The following DGKZ variants were observed in gnomAD, a reference collection of about 807,000 sequenced individuals.
The protein encoded by DGKZ is diacylglycerol kinase zeta.
Under a neutral mutation model 142.5 loss-of-function variants are expected in DGKZ, and 45 were observed. The ratio of observed to expected loss-of-function variants is 0.32; its 90% CI spans 0.25 to 0.40. The LOEUF (loss-of-function observed/expected upper bound fraction) is 0.40. Among genes scored for constraint, DGKZ ranks in the 10% least tolerant of loss-of-function variants. The probability of loss-of-function intolerance (pLI) is 1.00; values close to 1 mark genes in which losing one functional copy is unlikely to be tolerated. For missense variants in DGKZ, 755 were observed against 1,306.5 expected (o/e 0.58, Z 6.51); for synonymous variants, 442 against 527.0 (o/e 0.84, Z 2.21).
In DGKZ at chr11:46,375,516, C is replaced by T. The variant is rs1185768072; in HGVS notation, c.1795C>T (p.Gln599Ter). The T allele has an allele frequency of 1.9e-6, 3 of 1,590,760 alleles. No homozygotes were observed. Among genetic ancestry groups the T allele is most frequent in the Non-Finnish European group, 1.7e-6 (2 of 1,174,302 alleles). The change falls in exon 20 of 31, where the codon CAG (glutamine) becomes TAG (stop). Residue 599 changes from glutamine (Q) to a stop codon, truncating the protein, a stop_gained. Transcript: ENST00000527911. LOFTEE classifies it high-confidence loss of function. Reference sequence around the variant, plus strand: ...CACCACATCCAAGGCCATCCCGGTGCAGGTGGATGGCGAGCCCTGCAAGCT... The same window carrying T: ...CACCACATCCAAGGCCATCCCGGTGTAGGTGGATGGCGAGCCCTGCAAGCT...
At chr11:46,379,851 G>C in exon 31 of DGKZ, 2 of 1,610,640 alleles carry the variant, frequency 1.2e-6, no homozygotes, top group Admixed American at 1.7e-5. Flanking sequence ...CCCGGCAGCG[G>C]GCTGAGAAGG....
chr11:46,370,393 C>T (rs1943810558), intron 6 of DGKZ, among the ~76,000 whole-genome samples: 1 of 152,222 alleles, frequency 6.6e-6, no homozygotes, highest in African/African-American at 2.4e-5. Context: ...TCCAGGCGAC[C>T]GCCTAACCCA....
At chr11:46,334,868 C>T (rs112730265) in intron 1 of DGKZ, among the ~76,000 whole-genome samples, 4,777 of 152,218 alleles carry the variant, frequency 0.031, 266 homozygotes, top group African/African-American at 0.11. Flanking sequence ...TAAATGTCAG[C>T]CTGGGAGTCA....
At chr11:46,368,341 T>A in intron 4 of DGKZ, 1 of 517,424 alleles carries the variant, frequency 1.9e-6, no homozygotes, top group Non-Finnish European at 3.6e-6. Context: ...AATTGACGAA[T>A]GGTGGCCCTT....
rs1324135799 is a variant in DGKZ at position 46,367,227 on chromosome 11, G to A, written c.162-64G>A. On this transcript the variant is annotated intron_variant, in intron 1 of 30. Coordinates refer to ENST00000527911, the Ensembl canonical transcript of DGKZ. The surrounding 1 kb of genome is among the most constrained non-coding windows in gnomAD (Gnocchi z 4.1). ...GTCACGGAAAGGGCAGAGGCCCCAG[G>A]AGGTGGGAGGAAGTAGGGTCAGCAA... 1 of 1,448,472 alleles carries A rather than the reference G, an allele frequency of 6.9e-7. No homozygotes were observed. Among genetic ancestry groups the A allele is most frequent in the African/African-American group, 1.4e-5 (1 of 71,156 alleles). The allele number at this position is 1,448,472 out of a possible 1,614,324, so 89.7% of individuals were successfully genotyped here.
intron 1 of DGKZ, among the ~76,000 whole-genome samples, chr11:46,352,515 C>T (rs1941528349): frequency 6.6e-6 from 1 of 152,222 alleles, no homozygotes; most frequent in South Asian, 2.1e-4. Flanking sequence ...CCAGGCCCAG[C>T]CAGGTGGCCT....
Position 46,371,475 on chromosome 11 carries a change from C to T in DGKZ, c.643-12C>T, listed in dbSNP as rs1351246683. 7 of 1,600,070 alleles carry T rather than the reference C, an allele frequency of 4.4e-6. No individual in the cohort carries two copies. The highest frequency in any genetic ancestry group is 1.7e-4 in the Middle Eastern group (1 of 5,992). On this transcript the variant is annotated splice_polypyrimidine_tract_variant and intron_variant, in intron 7 of 30. Coordinates refer to ENST00000527911, the Ensembl canonical transcript of DGKZ. ...CACGGTCCCGCTGAGCCCGGCCCCT[C>T]GCTCTCCTCAGTACCACAGCAAGGT...
intron 4 of DGKZ, chr11:46,369,188 C>G (rs78661705): frequency 2.4e-6 from 1 of 415,354 alleles, no homozygotes; most frequent in Non-Finnish European, 4.5e-6. Flanking sequence ...AAAACAAAAA[C>G]AAAAAAAAAA....
At chr11:46,375,678 G>T in intron 20 of DGKZ, 47 bp downstream of exon 20, 1 of 1,525,424 alleles carries the variant, frequency 6.6e-7, no homozygotes, top group South Asian at 1.2e-5. Context: ...GCCAGACCCT[G>T]CCCTCTCTGG....
At chr11:46,378,273 G>A in intron 26 of DGKZ, 44 bp downstream of exon 26, 2 of 1,585,594 alleles carry the variant, frequency 1.3e-6, no homozygotes, top group Non-Finnish European at 1.7e-6. Flanking sequence ...GCCTGGTTGG[G>A]GGCAGGAGGC....
At chr11:46,363,850 G>A (rs1026433914) in intron 1 of DGKZ, among the ~76,000 whole-genome samples, 1 of 152,194 alleles carries the variant, frequency 6.6e-6, no homozygotes, top group Non-Finnish European at 1.5e-5. Context: ...TGGGCCTTCA[G>A]GCTCCTCTTC....
At chr11:46,353,104 T>G (rs895426968) in intron 1 of DGKZ, among the ~76,000 whole-genome samples, 1 of 152,166 alleles carries the variant, frequency 6.6e-6, no homozygotes, top group Non-Finnish European at 1.5e-5. Context: ...TCTTTGGTGA[T>G]TAACAGCTGC....
At position 46,336,076 on chromosome 11, in the gene DGKZ, T is replaced by TG. The variant is rs371895407; in HGVS notation, c.212+2594dup. On this transcript the variant is annotated intron_variant, in intron 1 of 30. Coordinates refer to the DGKZ transcript ENST00000343674. ...GCGAAAAGGCTTTTAGACAGAAATG[T>TG]GGGGGCAAAAAAATCTGAGGGCGAG... Among the ~76,000 whole-genome samples, 705 of 152,166 alleles carry TG rather than the reference T, an allele frequency of 4.6e-3. 2 individuals carry two copies. Among genetic ancestry groups the TG allele is most frequent in the African/African-American group, 0.014 (601 of 41,524 alleles).
intron 1 of DGKZ, among the ~76,000 whole-genome samples, chr11:46,337,687 G>A (rs926687526): frequency 6.6e-6 from 1 of 152,056 alleles, no homozygotes; most frequent in African/African-American, 2.4e-5. Context: ...ACCTCTCCCA[G>A]GTAATTTTGA....
At chr11:46,378,087 C>T in intron 25 of DGKZ, 111 bp from the exon 26 acceptor site, 3 of 1,355,668 alleles carry the variant, frequency 2.2e-6, no homozygotes, top group South Asian at 1.2e-5. Flanking sequence ...TGGTGTGTAG[C>T]AGGCACTCAA....
intron 8 of DGKZ, 38 bp downstream of exon 8, chr11:46,371,641 T>G (rs1280567839): frequency 6.2e-7 from 1 of 1,613,476 alleles, no homozygotes; most frequent in Non-Finnish European, 8.5e-7. Context: ...CCGTACGCAC[T>G]TGGGGTCTGC....
chr11:46,374,232 C>T lies in DGKZ; in HGVS notation c.1402C>T (p.Arg468Ter), dbSNP rs1418700348. The change falls in exon 15 of 31, where the codon CGA (arginine) becomes TGA (stop). Residue 468 changes from arginine to a stop codon, truncating the protein, a stop_gained. Coordinates refer to ENST00000527911, the Ensembl canonical transcript of DGKZ. LOFTEE classifies it high-confidence loss of function. ...CGTCACCCTGGAGTTCCACGAGTCT[C>T]GAGGTTGGCAGCCTCCCACTGAGGC... The T allele has an allele frequency of 1.9e-6, 3 of 1,613,994 alleles. No individual in the cohort carries two copies. The highest frequency in any genetic ancestry group is 2.5e-6 in the Non-Finnish European group (3 of 1,180,050).
rs374972704 is a variant in DGKZ at position 46,371,293 on chromosome 11, T to A, written c.571-20T>A. ...TGCTCCACGCCTGCCCTGGTTCCCA[T>A]CCATCCTGTCTACCCTCAGGGATTC... On this transcript the variant is annotated intron_variant, in intron 6 of 30. Coordinates refer to ENST00000527911, the Ensembl canonical transcript of DGKZ. The A allele has an allele frequency of 1.9e-6, 3 of 1,612,176 alleles. No homozygotes were observed. In the African/African-American group the frequency reaches 4.0e-5, roughly 22 times the overall value.
In DGKZ at chr11:46,369,474, G is replaced by A; in HGVS notation, c.445-20G>A. The stretch of plus-strand genomic sequence containing the variant: ...GAAGGGAGGTTCTGACATTTTGGTG[G>A]TCACTGCCATGTTTCACAGATAAAT... On this transcript the variant is annotated intron_variant, in intron 4 of 30. Transcript: ENST00000527911. 6.2e-7 allele frequency: 1 copy of A among 1,614,078 alleles called. No homozygotes were observed.
Sources: allele counts gnomAD v4.1 joint callset (sites outside exome capture counted in the v4.1 genomes callset), GRCh38; gene constraint gnomAD v4.1.1; non-coding constraint Gnocchi (gnomAD v3.1); transcripts MANE v1.5; gene names NCBI Gene and HGNC (gene_info 2026-07-23, HGNC 2026-07-21).